The following CDIP1 variants were observed in gnomAD, a reference collection of about 807,000 sequenced individuals.
CDIP1 encodes cell death inducing p53 target 1.
Under a neutral mutation model 17.7 loss-of-function variants are expected in CDIP1, and 9 were observed. The ratio of observed to expected loss-of-function variants is 0.51; its 90% CI spans 0.31 to 0.89. CDIP1 has a LOEUF of 0.89. Ranked by LOEUF, CDIP1 falls within the 40% of genes least tolerant of loss-of-function variation. The probability of loss-of-function intolerance (pLI) is 0.05; values close to 1 mark genes in which losing one functional copy is unlikely to be tolerated. For synonymous variants in CDIP1, 117 were observed against 109.5 expected, an observed-to-expected ratio of 1.07 and a Z score of -0.43; for missense variants, 263 against 277.9, an observed-to-expected ratio of 0.95 and a Z score of 0.38.
intron 1 of CDIP1, among the ~76,000 whole-genome samples, chr16:4,535,014 G>A (rs966379415): frequency 6.6e-5 from 10 of 152,002 alleles, no homozygotes; most frequent in South Asian, 2.1e-4. Context: ...CACAGCACCC[G>A]GCCTGCATGT....
chr16:4,526,729 A>T (rs924258036), intron 1 of CDIP1, among the ~76,000 whole-genome samples: 4 of 150,674 alleles, frequency 2.7e-5, no homozygotes, highest in Admixed American at 6.6e-5. Flanking sequence ...AAAATAAAAT[A>T]AAAAATAAAA....
rs2058839797 is a variant in CDIP1 at position 4,512,379 on chromosome 16, C to T, written c.*193G>A. ...CCCCCTGCCACCCACTGACCCTTGG[C>T]CTTAAATCCCAACAGAATTTTTGCC... On this transcript the variant is annotated 3_prime_UTR_variant, in exon 6 of 6. Transcript: ENST00000567695. This position sits in a 1 kb window ranked among gnomAD's most constrained non-coding sequence, Gnocchi z 4.6. 1.6e-6 allele frequency: 1 copy of T among 609,498 alleles called. No individual in the cohort carries two copies. The allele number at this position is 609,498 out of a possible 1,614,324, so 37.8% of individuals were successfully genotyped here. A position where few individuals can be genotyped will look rare whatever the true frequency, so the allele number is the denominator to read the frequency against.
intron 1 of CDIP1, among the ~76,000 whole-genome samples, chr16:4,534,362 T>C (rs1029198721): frequency 5.3e-5 from 8 of 152,162 alleles, no homozygotes; most frequent in African/African-American, 1.9e-4. Context: ...CAGCCAAATA[T>C]CCAGACAGGA....
At position 4,513,688 on chromosome 16, in the gene CDIP1, C is replaced by T. The variant is rs375437455; in HGVS notation, c.241+8G>A. On this transcript the variant is annotated splice_region_variant and intron_variant, in intron 4 of 5. Coordinates refer to ENST00000567695, the MANE Select transcript of CDIP1 (RefSeq NM_013399.3). The surrounding 1 kb of genome is among the most constrained non-coding windows in gnomAD (Gnocchi z 4.1). The stretch of plus-strand genomic sequence containing the variant: ...CCCATGCTCCCCTCAGATCCCTTCC[C>T]CACTCACCCGGAGGCATGTAGGTGC... 4 of 1,612,164 alleles carry T rather than the reference C, an allele frequency of 2.5e-6. No individual in the cohort carries two copies. In the African/African-American group the frequency reaches 4.0e-5, roughly 16 times the overall value.
chr16:4,532,597 C>G (rs1293869832), intron 1 of CDIP1: 1 of 152,248 alleles, frequency 6.6e-6, no homozygotes, highest in Admixed American at 6.5e-5. Flanking sequence ...CGCCCCACGA[C>G]TCTCCATTTT....
Position 4,512,852 on chromosome 16 carries a change from T to C in CDIP1, c.454A>G (p.Lys152Glu). Residue 152 changes from lysine to glutamate, a missense_variant, in exon 5 of 6, where the codon AAG becomes GAG. Coordinates refer to ENST00000567695, the MANE Select transcript of CDIP1 (RefSeq NM_013399.3). The surrounding 1 kb of genome is among the most constrained non-coding windows in gnomAD (Gnocchi z 4.6). ...ATCAAGCCAATCTCGTAGGAGATCT[T>C]GGTGGTGATGGCCTGCTGGCAGTGG... is the stretch of plus-strand genomic sequence containing the variant. The part of the protein sequence containing the change: ...CPHCQQAITT[K>E]ISYEIGLMNF... 6.4e-7 allele frequency: 1 copy of C among 1,562,108 alleles called. No homozygotes were observed. Among genetic ancestry groups the C allele is most frequent in the Non-Finnish European group, 8.7e-7 (1 of 1,152,592 alleles).
At chr16:4,517,222 T>C (rs772856236) in intron 1 of CDIP1, among the ~76,000 whole-genome samples, 1 of 152,238 alleles carries the variant, frequency 6.6e-6, no homozygotes, top group Non-Finnish European at 1.5e-5. Context: ...TTAATTTTCA[T>C]ATTAAAATGT....
At chr16:4,515,436 C>CCAAA (rs1188659707) in intron 1 of CDIP1, among the ~76,000 whole-genome samples, 4 of 152,114 alleles carry the variant, frequency 2.6e-5, no homozygotes, top group African/African-American at 9.7e-5. Context: ...AGATATGACA[C>CCAAA]CAAAAGCAAA....
chr16:4,526,785 C>T (rs2059005673), intron 1 of CDIP1, among the ~76,000 whole-genome samples: 1 of 151,726 alleles, frequency 6.6e-6, no homozygotes, highest in Non-Finnish European at 1.5e-5. Context: ...CAGCCCAACC[C>T]CATGGCCCCA....
intron 1 of CDIP1, among the ~76,000 whole-genome samples, chr16:4,520,960 A>G (rs2058940306): frequency 6.6e-6 from 1 of 152,232 alleles, no homozygotes; most frequent in Non-Finnish European, 1.5e-5. Flanking sequence ...TCCTCACGAC[A>G]GCATCAAACT....
chr16:4,532,567 G>A (rs2059067045), intron 1 of CDIP1: 1 of 152,224 alleles, frequency 6.6e-6, no homozygotes, highest in Admixed American at 6.5e-5. Context: ...GAGGCTTGCA[G>A]AGAGCTTGGG....
intron 1 of CDIP1, among the ~76,000 whole-genome samples, chr16:4,524,717 C>A (rs2058982315): frequency 1.3e-5 from 2 of 152,350 alleles, no homozygotes; most frequent in East Asian, 3.9e-4. Flanking sequence ...AACTGACCAC[C>A]TCCCACATCT....
chr16:4,520,137 G>A (rs1473174034), intron 1 of CDIP1, among the ~76,000 whole-genome samples: 1 of 148,730 alleles, frequency 6.7e-6, no homozygotes, highest in Non-Finnish European at 1.5e-5. Context: ...TTTTTAGACA[G>A]AGTCTCGCTC....
At chr16:4,529,700 T>C (rs1349780778) in intron 1 of CDIP1, among the ~76,000 whole-genome samples, 3 of 152,232 alleles carry the variant, frequency 2.0e-5, no homozygotes, top group Non-Finnish European at 4.4e-5. Context: ...AATCCTTCTG[T>C]CTGCCTGTAC....
intron 1 of CDIP1, 107 bp downstream of exon 1, chr16:4,538,595 C>G (rs531680752): frequency 6.6e-6 from 1 of 152,352 alleles, no homozygotes; most frequent in African/African-American, 2.4e-5. Flanking sequence ...GGGGGCGCCA[C>G]GGTCCGAGGT....
At chr16:4,531,500 C>T (rs958414943) in intron 1 of CDIP1, among the ~76,000 whole-genome samples, 1 of 152,180 alleles carries the variant, frequency 6.6e-6, no homozygotes, top group Non-Finnish European at 1.5e-5. Context: ...TCAGAGATGA[C>T]TGGGTCCAAG....
intron 1 of CDIP1, chr16:4,515,116 G>C (rs1400932917): frequency 2.6e-5 from 4 of 152,266 alleles, no homozygotes; most frequent in Non-Finnish European, 5.9e-5. Flanking sequence ...CATCATAAAG[G>C]ACTTGGGAAG....
chr16:4,521,429 C>T (rs770779854), intron 1 of CDIP1, among the ~76,000 whole-genome samples: 9 of 152,242 alleles, frequency 5.9e-5, no homozygotes, highest in Middle Eastern at 3.4e-3. Context: ...CAGGACTTCA[C>T]AACCAGAAGG....
At position 4,512,571 on chromosome 16, in the gene CDIP1, G is replaced by C. The variant is rs369424869; in HGVS notation, c.*1C>G. The C allele has an allele frequency of 6.2e-7, 1 of 1,610,626 alleles. No individual in the cohort carries two copies. The highest frequency in any genetic ancestry group is 8.5e-7 in the Non-Finnish European group (1 of 1,177,026). ...CGGGGGAGTCCCGAGTCCCAGCTCCGTTAGCACAGGCGCTTGTACGTGTAG... is the reference window on the plus strand; with the variant it reads ...CGGGGGAGTCCCGAGTCCCAGCTCCCTTAGCACAGGCGCTTGTACGTGTAG... On this transcript the variant is annotated 3_prime_UTR_variant, in exon 6 of 6. Coordinates refer to ENST00000567695, the MANE Select transcript of CDIP1 (RefSeq NM_013399.3). This position sits in a 1 kb window ranked among gnomAD's most constrained non-coding sequence, Gnocchi z 4.6.
Sources: allele counts gnomAD v4.1 joint callset (sites outside exome capture counted in the v4.1 genomes callset), GRCh38; gene constraint gnomAD v4.1.1; non-coding constraint Gnocchi (gnomAD v3.1); transcripts MANE v1.5; gene names NCBI Gene and HGNC (gene_info 2026-07-23, HGNC 2026-07-21).